Variants in DNAH8 observed in about 807,000 individuals in gnomAD.
The protein encoded by DNAH8 is dynein axonemal heavy chain 8.
A neutral mutation model predicts 562.1 loss-of-function variants in DNAH8; 382 were observed. That is an observed-to-expected ratio of 0.68 (90% CI 0.63 to 0.74). The LOEUF (loss-of-function observed/expected upper bound fraction) is 0.74, where lower values mean the gene tolerates loss of function less well. DNAH8 is among the 30% of genes least tolerant of loss of function. The pLI, the probability that DNAH8 is intolerant of heterozygous loss-of-function variation, is 0.00. For synonymous variants in DNAH8, 1,881 were observed against 1,919.4 expected, an observed-to-expected ratio of 0.98 and a Z score of 0.52; for missense variants, 5,203 against 5,620.4, an observed-to-expected ratio of 0.93 and a Z score of 2.37.
chr6:38,778,989 T>C (rs998551059), intron 14 of DNAH8, among the ~76,000 whole-genome samples: 13 of 152,220 alleles, frequency 8.5e-5, no homozygotes, highest in Admixed American at 8.5e-4. Context: ...CTCACCGAGT[T>C]ATCTGTCCCC....
chr6:38,918,359 T>C (rs1781466968), intron 70 of DNAH8, among the ~76,000 whole-genome samples: 1 of 152,216 alleles, frequency 6.6e-6, no homozygotes, highest in Non-Finnish European at 1.5e-5. Flanking sequence ...AACCAACATG[T>C]TAACTTACAC....
At chr6:38,935,730 G>A (rs1782906108) in intron 77 of DNAH8, 33 bp downstream of exon 77, 1 of 1,444,018 alleles carries the variant, frequency 6.9e-7, no homozygotes, top group African/African-American at 1.4e-5. Context: ...TGAAATAACG[G>A]ATTCTGAATA....
intron 10 of DNAH8, among the ~76,000 whole-genome samples, chr6:38,756,499 T>C (rs1482212795): frequency 6.6e-6 from 1 of 152,008 alleles, no homozygotes; most frequent in Non-Finnish European, 1.5e-5. Flanking sequence ...ACAATATATA[T>C]TTAAATTTGC....
chr6:38,730,855 T>C (rs1054308407), intron 4 of DNAH8, among the ~76,000 whole-genome samples: 3 of 152,150 alleles, frequency 2.0e-5, no homozygotes, highest in African/African-American at 7.2e-5. Flanking sequence ...TTCTTTTCCC[T>C]TTCTCTCCTC....
Position 38,973,838 on chromosome 6 carries a change from C to T in DNAH8, c.12678+25C>T, listed in dbSNP as rs199634409. On this transcript the variant is annotated intron_variant, in intron 84 of 92. Transcript: ENST00000327475. ...GGTTTGTTACTAAACGTCTTTTCATCGAGAGTCATAGTAATAAAGATGACA... is the reference window on the plus strand; with the variant it reads ...GGTTTGTTACTAAACGTCTTTTCATTGAGAGTCATAGTAATAAAGATGACA... The T allele has an allele frequency of 3.2e-5, 50 of 1,561,666 alleles. No individual in the cohort carries two copies. The African/African-American group carries it at 3.3e-4, about 10-fold the overall frequency.
In DNAH8 at chr6:38,868,071, G is replaced by T; in HGVS notation, c.6703G>T (p.Asp2235Tyr). The change falls in exon 48 of 93, where the codon GAC becomes TAC. Residue 2235 changes from aspartate to tyrosine, a missense_variant. Asp to Tyr is a radical substitution (Grantham distance 160). Coordinates refer to ENST00000327475, the MANE Select transcript of DNAH8 (RefSeq NM_001206927.2). ...TCTTCTCCCATCTCAGGTTCATTAT[G>T]ACTTTGGATTGAGAAATATTCTGTC... is the stretch of plus-strand genomic sequence containing the variant. Reference protein sequence around the residue: ...EEQLTKQVHYDFGLRNILSVL... With the variant: ...EEQLTKQVHYYFGLRNILSVL... The T allele has an allele frequency of 6.2e-7, 1 of 1,608,116 alleles. No individual in the cohort carries two copies. The highest frequency in any genetic ancestry group is 1.1e-5 in the South Asian group (1 of 89,058).
rs377274564 is a variant in DNAH8 at position 38,789,868 on chromosome 6, C to T, written c.2649C>T (p.Thr883=). ...CTTCTGTGTTTGTCAATCTGATGAC[C>T]CCAAAAATGAAAAAGGTTGGTATTG... The part of the protein sequence containing the change: ...EVPSVFVNLM[T]PKMKKVESVL... The change falls in exon 19 of 93, where the codon ACC becomes ACT. Residue 883 remains threonine, a synonymous_variant. Transcript: ENST00000327475. The T allele has an allele frequency of 9.3e-6, 15 of 1,611,042 alleles. No homozygotes were observed. The African/African-American group carries it at 1.1e-4, about 11-fold the overall frequency.
intron 62 of DNAH8, among the ~76,000 whole-genome samples, chr6:38,904,905 C>A (rs1780341901): frequency 6.6e-6 from 1 of 151,792 alleles, no homozygotes; most frequent in Non-Finnish European, 1.5e-5. Flanking sequence ...AGCCACATTG[C>A]ATTAGGAAGA....
intron 87 of DNAH8, among the ~76,000 whole-genome samples, chr6:38,985,429 C>G (rs1165492612): frequency 1.3e-5 from 2 of 152,140 alleles, no homozygotes; most frequent in Non-Finnish European, 2.9e-5. Context: ...AAAGCACAAG[C>G]TTTGGGAGTA....
In DNAH8 at chr6:38,956,449, G is replaced by A. The variant is rs539655198; in HGVS notation, c.12451+4929G>A. 3.3e-5 allele frequency among the ~76,000 whole-genome samples: 5 copies of A among 152,230 alleles called. No individual in the cohort carries two copies. In the East Asian group the frequency reaches 9.7e-4, roughly 29 times the overall value. On this transcript the variant is annotated intron_variant, in intron 82 of 92. Transcript: ENST00000327475. ...AACTAATTTGTGCAGAGACCTGCTG[G>A]GAGACACACTCCCATCTGAACCAAT...
At chr6:38,924,848 C>G (rs1379801419) in intron 73 of DNAH8, 1 of 152,164 alleles carries the variant, frequency 6.6e-6, no homozygotes, top group African/African-American at 2.4e-5. Context: ...TTTTTAGTGT[C>G]TAAAAACGTA....
intron 74 of DNAH8, chr6:38,928,020 G>A (rs1412042990): frequency 6.6e-6 from 1 of 152,088 alleles, no homozygotes; most frequent in Non-Finnish European, 1.5e-5. Context: ...TTATGCCCAG[G>A]GCTGTGGTCA....
intron 21 of DNAH8, among the ~76,000 whole-genome samples, chr6:38,799,030 T>C (rs1396657305): frequency 6.6e-6 from 1 of 152,172 alleles, no homozygotes; most frequent in Non-Finnish European, 1.5e-5. Flanking sequence ...TGGTGCCTCC[T>C]CTTGGGTTAA....
chr6:38,759,644 G>A (rs1172764339), intron 10 of DNAH8, among the ~76,000 whole-genome samples: 1 of 152,068 alleles, frequency 6.6e-6, no homozygotes, highest in Non-Finnish European at 1.5e-5. Flanking sequence ...TTTGAGCAAA[G>A]AACCCTGCTA....
Position 38,805,483 on chromosome 6 carries a change from C to G in DNAH8, c.3037C>G (p.Gln1013Glu). 2 of 1,592,104 alleles carry G rather than the reference C, an allele frequency of 1.3e-6. No individual in the cohort carries two copies. The highest frequency in any genetic ancestry group is 1.7e-6 in the Non-Finnish European group (2 of 1,160,578). The change falls in exon 23 of 93, where the codon CAG (glutamine) becomes GAG (glutamate). Residue 1013 changes from glutamine (Q) to glutamate (E), a missense_variant and splice_region_variant. By Grantham distance (29) the Gln-to-Glu change is conservative. Around this residue, in one of 6 missense-constraint regions of DNAH8, gnomAD observed 2,176 missense variants for 2,365.1 expected, o/e 0.92. Transcript: ENST00000327475. Reference protein sequence around the residue: ...YTGKVGKQSEQRKHVVFGSET... With the variant: ...YTGKVGKQSEERKHVVFGSET... Reference sequence around the variant, plus strand: ...TTTGTTTTGTCTTTTGTCTATAGAACAGCGGAAACACGTTGTTTTTGGAAG... The same window carrying G: ...TTTGTTTTGTCTTTTGTCTATAGAAGAGCGGAAACACGTTGTTTTTGGAAG...
chr6:38,725,304 TATAATAATAATA>T (rs10526350), intron 3 of DNAH8, among the ~76,000 whole-genome samples: 3 of 135,386 alleles, frequency 2.2e-5, no homozygotes, highest in African/African-American at 8.3e-5. Context: ...CTCCAACTCA[TATAATAATAATA>T]ATAATAATAA....
At chr6:38,911,685 TACTC>T (rs1397606968) in intron 66 of DNAH8, 99 bp downstream of exon 66, 4 of 838,334 alleles carry the variant, frequency 4.8e-6, no homozygotes, top group East Asian at 2.7e-5. Flanking sequence ...GAAAATGAAA[TACTC>T]ACTTTGTTAG....
chr6:38,866,215 T>A (rs1777020079), intron 45 of DNAH8, among the ~76,000 whole-genome samples: 1 of 152,176 alleles, frequency 6.6e-6, no homozygotes, highest in African/African-American at 2.4e-5. Context: ...AAATCCTTAG[T>A]TTTTTTCTTC....
intron 73 of DNAH8, among the ~76,000 whole-genome samples, chr6:38,924,479 G>A (rs948223465): frequency 9.2e-5 from 14 of 151,710 alleles, no homozygotes; most frequent in Non-Finnish European, 1.5e-5. Context: ...ACTCCAGACT[G>A]GGCAACAAGA....
Sources: gnomAD v4.1 joint callset for allele counts (sites outside exome capture counted in the v4.1 genomes callset) on GRCh38, gnomAD v4.1.1 for gene constraint, gnomAD v4.1.1 regional missense constraint, MANE v1.5 for transcripts, NCBI Gene and HGNC (gene_info 2026-07-23, HGNC 2026-07-21) for gene names.